Variants in TENM4 observed in about 807,000 individuals in gnomAD.
TENM4 encodes teneurin-4.
TENM4 carries 82 observed loss-of-function variants against 243.3 expected under a neutral mutation model. That is an observed-to-expected ratio of 0.34 (90% CI 0.28 to 0.40). The LOEUF (loss-of-function observed/expected upper bound fraction) is 0.40. Among genes scored for constraint, TENM4 ranks in the 10% least tolerant of loss-of-function variants. TENM4 has a pLI of 1.00. For missense variants in TENM4, 3,138 were observed against 3,673.3 expected, an observed-to-expected ratio of 0.85 and a Z score of 3.77; for synonymous variants, 1,412 against 1,456.3, an observed-to-expected ratio of 0.97 and a Z score of 0.69.
At chr11:79,243,667 A>C (rs1321751132) in intron 2 of TENM4, among the ~76,000 whole-genome samples, 1 of 152,246 alleles carries the variant, frequency 6.6e-6, no homozygotes, top group Non-Finnish European at 1.5e-5. Context: ...AGGGACAGGC[A>C]GGAAGAACAG....
rs76794979 is a variant in TENM4, at chr11:79,424,209, G to A, written c.-321+16300C>T. Among the ~76,000 whole-genome samples, 475 of 152,258 alleles carry A rather than the reference G, an allele frequency of 3.1e-3. 2 individuals carry two copies. Among genetic ancestry groups the A allele is most frequent in the African/African-American group, 0.011 (439 of 41,528 alleles). ...AACATTTTTGGTTGTCACAATTGGC[G>A]GGGAAGGCACTGGAATCTAGTAGAT... On this transcript the variant is annotated intron_variant, in intron 1 of 33. Transcript: ENST00000278550.
At chr11:79,181,860 C>T (rs866215043) in intron 3 of TENM4, among the ~76,000 whole-genome samples, 11 of 151,790 alleles carry the variant, frequency 7.2e-5, no homozygotes, top group South Asian at 6.2e-4. Context: ...ATTAGCACCA[C>T]CCAAATGAAA....
intron 1 of TENM4, among the ~76,000 whole-genome samples, chr11:79,401,854 G>A (rs565942297): frequency 6.0e-4 from 91 of 152,302 alleles, no homozygotes; most frequent in African/African-American, 2.1e-3. Context: ...GCAGTGCTGT[G>A]GAGCATTCCA....
intron 19 of TENM4, among the ~76,000 whole-genome samples, chr11:78,751,931 G>A (rs1856199401): frequency 6.6e-6 from 1 of 152,160 alleles, no homozygotes; most frequent in East Asian, 1.9e-4. Context: ...TTCTCCCCAT[G>A]ACTCCATGGG....
chr11:78,670,130 G>A lies in TENM4; in HGVS notation c.6215C>T (p.Thr2072Ile), dbSNP rs1192280731. Residue 2072 changes from threonine (T) to isoleucine (I), a missense_variant, in exon 32 of 34, where the codon ACT becomes ATT. Around this residue, in one of 2 missense-constraint regions of TENM4, gnomAD observed 2,467 missense variants for 3,059.1 expected, o/e 0.81. Coordinates refer to ENST00000278550, the MANE Select transcript of TENM4 (RefSeq NM_001098816.3). ...ACGGGCGTTGACCATGCCTTCCTCA[G>A]TGAAGCGGAAGATCTGTCGGTCAAT... ...PLIDRQIFRFTEEGMVNARFD... is the reference protein window; with the variant it reads ...PLIDRQIFRFIEEGMVNARFD... The A allele has an allele frequency of 1.2e-6, 2 of 1,613,854 alleles. No homozygotes were observed. The highest frequency in any genetic ancestry group is 1.7e-6 in the Non-Finnish European group (2 of 1,179,904).
intron 15 of TENM4, among the ~76,000 whole-genome samples, chr11:78,793,229 C>T (rs574922133): frequency 6.6e-6 from 1 of 152,286 alleles, no homozygotes; most frequent in Non-Finnish European, 1.5e-5. Context: ...ATTTCTTCTA[C>T]TTGGAAAGAT....
intron 7 of TENM4, among the ~76,000 whole-genome samples, chr11:78,902,639 T>A (rs1438508349): frequency 6.6e-6 from 1 of 152,230 alleles, no homozygotes; most frequent in Non-Finnish European, 1.5e-5. Context: ...TAATACCCAC[T>A]TCATAGAGGT....
chr11:78,884,069 A>G (rs1202931738), intron 9 of TENM4, among the ~76,000 whole-genome samples: 1 of 152,228 alleles, frequency 6.6e-6, no homozygotes, highest in Non-Finnish European at 1.5e-5. Flanking sequence ...GCTCTGTGTC[A>G]GGGAGTGAGC....
intron 6 of TENM4, among the ~76,000 whole-genome samples, chr11:78,957,289 C>A (rs1345869426): frequency 6.6e-6 from 1 of 152,134 alleles, no homozygotes. Flanking sequence ...ATCCAAGTAA[C>A]TGCAGTTGGC....
chr11:79,321,256 C>T (rs1366944522), intron 1 of TENM4, among the ~76,000 whole-genome samples: 2 of 152,168 alleles, frequency 1.3e-5, no homozygotes, highest in African/African-American at 4.8e-5. Flanking sequence ...ATGTTTCCTA[C>T]ACTAACAGGA....
At chr11:78,991,046 G>GC (rs1362006383) in intron 6 of TENM4, among the ~76,000 whole-genome samples, 1 of 152,172 alleles carries the variant, frequency 6.6e-6, no homozygotes, top group Non-Finnish European at 1.5e-5. Context: ...CTGTAACCTG[G>GC]CAGTGATTTC....
intron 3 of TENM4, among the ~76,000 whole-genome samples, chr11:79,154,347 T>C (rs948981347): frequency 2.0e-5 from 3 of 151,778 alleles, no homozygotes; most frequent in Non-Finnish European, 2.9e-5. Flanking sequence ...CATAAACTCA[T>C]AGAGTGAGAA....
At chr11:78,961,771 C>T (rs1423633082) in intron 6 of TENM4, among the ~76,000 whole-genome samples, 2 of 149,168 alleles carry the variant, frequency 1.3e-5, no homozygotes, top group Non-Finnish European at 3.0e-5. Flanking sequence ...GTTGGTGTTG[C>T]CTATGTCTTA....
chr11:79,265,714 C>T (rs191456741), intron 2 of TENM4, among the ~76,000 whole-genome samples: 1 of 152,200 alleles, frequency 6.6e-6, no homozygotes, highest in Admixed American at 6.5e-5. Flanking sequence ...TAAACTCTAT[C>T]TTTCTCGCTT....
chr11:79,009,730 G>A (rs1858593071), intron 6 of TENM4, among the ~76,000 whole-genome samples: 1 of 152,306 alleles, frequency 6.6e-6, no homozygotes, highest in East Asian at 1.9e-4. Flanking sequence ...ACGTCTTGGG[G>A]AAAGTTAGTG....
chr11:79,237,977 G>A (rs574953379), intron 2 of TENM4, among the ~76,000 whole-genome samples: 16 of 152,170 alleles, frequency 1.1e-4, no homozygotes, highest in Admixed American at 2.6e-4. Flanking sequence ...ACACTTCCTC[G>A]CTACAGCCAC....
At chr11:79,260,581 T>G (rs1266430291) in intron 2 of TENM4, among the ~76,000 whole-genome samples, 1 of 152,178 alleles carries the variant, frequency 6.6e-6, no homozygotes, top group Non-Finnish European at 1.5e-5. Flanking sequence ...CAGAGAACTC[T>G]TCAGGGGCAG....
intron 6 of TENM4, among the ~76,000 whole-genome samples, chr11:79,001,788 A>G (rs1858336281): frequency 2.0e-5 from 3 of 152,138 alleles, no homozygotes; most frequent in South Asian, 2.1e-4. Context: ...CTTGCAATGC[A>G]GCCTTGGATG....
At chr11:78,767,548 TATG>T (rs1856563567) in intron 18 of TENM4, among the ~76,000 whole-genome samples, 1 of 152,226 alleles carries the variant, frequency 6.6e-6, no homozygotes, top group Non-Finnish European at 1.5e-5. Flanking sequence ...TCTCTGTGAT[TATG>T]ATGTGTGTGA....
Sources: allele counts gnomAD v4.1 joint callset (sites outside exome capture counted in the v4.1 genomes callset), GRCh38; gene constraint gnomAD v4.1.1; regional missense constraint gnomAD v4.1.1; transcripts MANE v1.5; gene names NCBI Gene and HGNC (gene_info 2026-07-23, HGNC 2026-07-21).